UBR4: variants seen among roughly 807,000 people sequenced by gnomAD.
UBR4 encodes the protein ubiquitin protein ligase E3 component n-recognin 4, also known as E3 ubiquitin-protein ligase UBR4.
Under a neutral mutation model 575.6 loss-of-function variants are expected in UBR4, and 124 were observed. The observed-to-expected ratio is 0.22, with a 90% CI of 0.19 to 0.25. The LOEUF (loss-of-function observed/expected upper bound fraction) is 0.25, where lower values mean the gene tolerates loss of function less well. Ranked by LOEUF, UBR4 falls within the 10% of genes least tolerant of loss-of-function variation. The probability of loss-of-function intolerance (pLI) is 1.00; values close to 1 mark genes in which losing one functional copy is unlikely to be tolerated. For synonymous variants in UBR4, 2,455 were observed against 2,473.7 expected (o/e 0.99, Z 0.22); for missense variants, 4,818 against 6,478.8 (o/e 0.74, Z 8.80).
rs758510080 is a variant in UBR4 at position 19,144,823 on chromosome 1, G to A, written c.8030C>T (p.Thr2677Ile). ...CATCTGCATGTAGATCTTGGATGCT[G>A]TGTTAATACAATCCAGCTCACAGGT... The part of the protein sequence containing the change: ...YCTCELDCIN[T>I]ASKIYMQMLL... Residue 2677 changes from threonine (T) to isoleucine (I), a missense_variant, in exon 54 of 106, where the codon ACA (threonine) becomes ATA (isoleucine). Thr to Ile is a moderately conservative substitution (Grantham distance 89). Transcript: ENST00000375254. The A allele has an allele frequency of 6.2e-6, 10 of 1,614,036 alleles. No individual in the cohort carries two copies. Among genetic ancestry groups the A allele is most frequent in the East Asian group, 2.2e-5 (1 of 44,892 alleles).
At chr1:19,108,357 C>G (rs1008559449) in intron 81 of UBR4, among the ~76,000 whole-genome samples, 1 of 151,956 alleles carries the variant, frequency 6.6e-6, no homozygotes, top group African/African-American at 2.4e-5. Context: ...AATACCTAAG[C>G]CTGAACAACC....
chr1:19,155,348 G>T, intron 43 of UBR4, 93 bp downstream of exon 43: 1 of 1,345,488 alleles, frequency 7.4e-7, no homozygotes, highest in Non-Finnish European at 1.0e-6. Context: ...GAAGTCCACA[G>T]AAAAATGTTA....
In UBR4 at chr1:19,093,822, C is replaced by T; in HGVS notation, c.13937+127G>A. 8.9e-7 allele frequency: 1 copy of T among 1,117,480 alleles called. No homozygotes were observed. The highest frequency in any genetic ancestry group is 1.3e-6 in the Non-Finnish European group (1 of 795,944). The allele number at this position is 1,117,480 out of a possible 1,614,324, so 69.2% of individuals were successfully genotyped here. ...ATTCACTTCCCAACTAGACTGAGCTCCTTAAAAGCCAGAACGAGGACACAA... is the reference window on the plus strand; with the variant it reads ...ATTCACTTCCCAACTAGACTGAGCTTCTTAAAAGCCAGAACGAGGACACAA... On this transcript the variant is annotated intron_variant, in intron 95 of 105. Coordinates refer to ENST00000375254, the MANE Select transcript of UBR4 (RefSeq NM_020765.3). This position sits in a 1 kb window ranked among gnomAD's most constrained non-coding sequence, Gnocchi z 4.8.
chr1:19,149,108 A>G (rs914517878), intron 49 of UBR4, among the ~76,000 whole-genome samples: 3 of 152,212 alleles, frequency 2.0e-5, no homozygotes, highest in African/African-American at 7.2e-5. Flanking sequence ...GAGAGAACAA[A>G]CTATTTTTTA....
Position 19,172,910 on chromosome 1 carries a change from G to A in UBR4, c.3475C>T (p.Leu1159Phe). The change falls in exon 25 of 106, where the codon CTT (leucine) becomes TTT (phenylalanine). Residue 1159 changes from leucine to phenylalanine, a missense_variant. Around this residue, in one of 29 missense-constraint regions of UBR4, gnomAD observed 1,172 missense variants for 1,259.7 expected, o/e 0.93. Transcript: ENST00000375254. Reference sequence around the variant, plus strand: ...TCAATGAGTTGCAGCGTGGCTGGAAGTAGGTTCTTGGTAATCTCAGACGAC... The same window carrying A: ...TCAATGAGTTGCAGCGTGGCTGGAAATAGGTTCTTGGTAATCTCAGACGAC... ...HKSSEITKNL[L>F]PATLQLIDTY... 6.2e-7 allele frequency: 1 copy of A among 1,614,208 alleles called. No individual in the cohort carries two copies. The highest frequency in any genetic ancestry group is 8.5e-7 in the Non-Finnish European group (1 of 1,180,042).
rs1166112637 is a variant in UBR4 at position 19,179,031 on chromosome 1, T to A, written c.2354+20A>T. 2 of 1,607,888 alleles carry A rather than the reference T, an allele frequency of 1.2e-6. No homozygotes were observed. Among genetic ancestry groups the A allele is most frequent in the Non-Finnish European group, 1.7e-6 (2 of 1,178,378 alleles). On this transcript the variant is annotated intron_variant, in intron 18 of 105. Coordinates refer to ENST00000375254, the MANE Select transcript of UBR4 (RefSeq NM_020765.3). Reference sequence around the variant, plus strand: ...AAGGAAATAACTTTCTCTATAGGCCTTCTCTTACAGACATCTTACCTGTCC... The same window carrying A: ...AAGGAAATAACTTTCTCTATAGGCCATCTCTTACAGACATCTTACCTGTCC...
In UBR4 at chr1:19,173,180, C is replaced by T; in HGVS notation, c.3291+1G>A. 6.2e-7 allele frequency: 1 copy of T among 1,614,194 alleles called. No homozygotes were observed. Among genetic ancestry groups the T allele is most frequent in the Non-Finnish European group, 8.5e-7 (1 of 1,180,032 alleles). On this transcript the variant is annotated splice_donor_variant, in intron 24 of 105. Transcript: ENST00000375254. LOFTEE classifies it high-confidence loss of function. Reference sequence around the variant, plus strand: ...ATCATTTAGGTTCCAATATTACATACCTGTCGAGCGAAGTATTCCTCTACT... The same window carrying T: ...ATCATTTAGGTTCCAATATTACATATCTGTCGAGCGAAGTATTCCTCTACT...
In UBR4 at chr1:19,115,648, C is replaced by A. The variant is rs1219843900; in HGVS notation, c.10824-11G>T. ...TGCCAGCGAGCTGGCCTAGGAAAGA[C>A]AGACAGCCTTGAGATTTTCTCATCT... On this transcript the variant is annotated splice_polypyrimidine_tract_variant and intron_variant, in intron 73 of 105. Transcript: ENST00000375254. The A allele has an allele frequency of 3.1e-6, 5 of 1,613,472 alleles. No homozygotes were observed. The highest frequency in any genetic ancestry group is 4.2e-6 in the Non-Finnish European group (5 of 1,179,712).
chr1:19,190,292 C>CAAAAA (rs1184892281), intron 11 of UBR4, among the ~76,000 whole-genome samples: 12 of 40,368 alleles, frequency 3.0e-4, no homozygotes, highest in Non-Finnish European at 4.3e-4. Context: ...GACTCTGCCT[C>CAAAAA]AAAAAAAAAA....
chr1:19,117,403 C>T lies in UBR4; in HGVS notation c.10641G>A (p.Leu3547=), dbSNP rs1212514968. ...NPEVPFCYIK[L]SSIKVDTRYT... Reference sequence around the variant, plus strand: ...ACCGCGTGTCCACTTTAATGGAAGACAGCTTGATATACTAAATACAAGAGT... The same window carrying T: ...ACCGCGTGTCCACTTTAATGGAAGATAGCTTGATATACTAAATACAAGAGT... Residue 3547 remains leucine, a synonymous_variant, in exon 73 of 106, where the codon CTG becomes CTA. Coordinates refer to ENST00000375254, the MANE Select transcript of UBR4 (RefSeq NM_020765.3). The surrounding 1 kb of genome is among the most constrained non-coding windows in gnomAD (Gnocchi z 4.0). 3.7e-6 allele frequency: 6 copies of T among 1,614,054 alleles called. No individual in the cohort carries two copies. Among genetic ancestry groups the T allele is most frequent in the Non-Finnish European group, 4.2e-6 (5 of 1,180,036 alleles).
At chr1:19,105,211 C>T in intron 84 of UBR4, 22 bp from the exon 85 acceptor site, 1 of 1,602,566 alleles carries the variant, frequency 6.2e-7, no homozygotes, top group Non-Finnish European at 8.5e-7. Flanking sequence ...AGGGACAGGG[C>T]ACTCTAGTCA....
In UBR4 at chr1:19,145,825, T is replaced by A. The variant is rs1217695401; in HGVS notation, c.7913A>T (p.Lys2638Met). Residue 2638 changes from lysine to methionine, a missense_variant, in exon 53 of 106, where the codon AAG becomes ATG. Around this residue, in one of 29 missense-constraint regions of UBR4, gnomAD observed 340 missense variants for 375.4 expected, o/e 0.91. Coordinates refer to ENST00000375254, the MANE Select transcript of UBR4 (RefSeq NM_020765.3). ...GCAGGCAGGTGCCAAGAAGGCATTC[T>A]TGGGTTTGGATGCATGGAGTTTCCA... is the stretch of plus-strand genomic sequence containing the variant. The part of the protein sequence containing the change: ...HFWKLHASKP[K>M]NAFLAPACLP... 34 of 1,614,190 alleles carry A rather than the reference T, an allele frequency of 2.1e-5. No homozygotes were observed. Among genetic ancestry groups the A allele is most frequent in the Non-Finnish European group, 2.5e-5 (30 of 1,180,016 alleles).
At chr1:19,097,647 C>T (rs1226736007) in intron 90 of UBR4, among the ~76,000 whole-genome samples, 2 of 152,162 alleles carry the variant, frequency 1.3e-5, no homozygotes, top group African/African-American at 4.8e-5. Flanking sequence ...ACAGCTTGTT[C>T]AAGGTTACCA....
Position 19,084,561 on chromosome 1 carries a change from T to A in UBR4, c.14951A>T (p.Glu4984Val). 6.2e-7 allele frequency: 1 copy of A among 1,614,090 alleles called. No individual in the cohort carries two copies. The highest frequency in any genetic ancestry group is 8.5e-7 in the Non-Finnish European group (1 of 1,180,012). Residue 4984 changes from glutamate to valine, a missense_variant, in exon 102 of 106, where the codon GAG becomes GTG. Transcript: ENST00000375254. ...GTACGGGATCAGGTGGATGTTGCTC[T>A]CCCGGCCGCCCCCGCCAGTGTCTGC... is the stretch of plus-strand genomic sequence containing the variant. ...FSADTGGGGR[E>V]SNIHLIPYII... is the part of the protein sequence containing the mutation.
intron 44 of UBR4, among the ~76,000 whole-genome samples, chr1:19,154,234 C>G (rs1310081461): frequency 6.6e-6 from 1 of 152,218 alleles, no homozygotes; most frequent in Non-Finnish European, 1.5e-5. Context: ...GGCCATGGAG[C>G]TGCCTAAGGC....
At chr1:19,102,981 G>A (rs913168848) in intron 87 of UBR4, among the ~76,000 whole-genome samples, 4 of 152,196 alleles carry the variant, frequency 2.6e-5, no homozygotes, top group African/African-American at 7.2e-5. Flanking sequence ...TACCTAGGAG[G>A]TCTGAAAATC....
At chr1:19,209,853 G>C (rs1236435769) in intron 1 of UBR4, among the ~76,000 whole-genome samples, 4 of 152,212 alleles carry the variant, frequency 2.6e-5, no homozygotes, top group African/African-American at 9.7e-5. Flanking sequence ...GGCCGCTAAA[G>C]TTTTGCTCGA....
intron 47 of UBR4, 99 bp from the exon 48 acceptor site, chr1:19,151,958 T>C: frequency 1.8e-6 from 2 of 1,133,892 alleles, no homozygotes; most frequent in Non-Finnish European, 2.5e-6. Context: ...GTGAAGCTCA[T>C]TAAAACTTAT....
rs2077267234 is a variant in UBR4 at position 19,089,007 on chromosome 1, C to T, written c.14212-30G>A. 1 of 1,606,084 alleles carries T rather than the reference C, an allele frequency of 6.2e-7. No individual in the cohort carries two copies. ...CAGTAAGAGACCAGAGAGACACATGCCTCCAATTATGTAGACAAACCTTCT... is the reference window on the plus strand; with the variant it reads ...CAGTAAGAGACCAGAGAGACACATGTCTCCAATTATGTAGACAAACCTTCT... On this transcript the variant is annotated intron_variant, in intron 97 of 105. Transcript: ENST00000375254. This position sits in a 1 kb window ranked among gnomAD's most constrained non-coding sequence, Gnocchi z 4.3.
Sources: gnomAD v4.1 joint callset for allele counts (sites outside exome capture counted in the v4.1 genomes callset) on GRCh38, gnomAD v4.1.1 for gene constraint, gnomAD v4.1.1 regional missense constraint, Gnocchi (gnomAD v3.1) non-coding constraint, MANE v1.5 for transcripts, NCBI Gene and HGNC (gene_info 2026-07-23, HGNC 2026-07-21) for gene names.